BLM: variants seen among roughly 807,000 people sequenced by gnomAD.
The protein encoded by BLM is recQ-like DNA helicase BLM.
Under a neutral mutation model 135.3 loss-of-function variants are expected in BLM, and 95 were observed. The observed-to-expected ratio is 0.70, with a 90% CI of 0.59 to 0.83. The LOEUF (loss-of-function observed/expected upper bound fraction) is 0.83. Ranked by LOEUF, BLM falls within the 40% of genes least tolerant of loss-of-function variation. BLM has a pLI of 0.00. For missense variants in BLM, 1,518 were observed against 1,663.9 expected (o/e 0.91, Z 1.53); for synonymous variants, 520 against 589.2 (o/e 0.88, Z 1.70).
In BLM at chr15:90,754,892, A is replaced by G; in HGVS notation, c.1041A>G (p.Lys347=). ...AAGATCTTTTGTCAAAACCTGAGAA[A>G]ATGAGTATGCAGGAGCTGAATCCAG... is the stretch of plus-strand genomic sequence containing the variant. ...TSKDLLSKPE[K]MSMQELNPET... The change falls in exon 5 of 22, where the codon AAA becomes AAG. Residue 347 remains lysine (K), a synonymous_variant. Transcript: ENST00000355112. The G allele has an allele frequency of 6.2e-7, 1 of 1,613,984 alleles. No homozygotes were observed.
chr15:90,779,334 A>T (rs1197422613), intron 12 of BLM, among the ~76,000 whole-genome samples: 1 of 152,172 alleles, frequency 6.6e-6, no homozygotes, highest in African/African-American at 2.4e-5. Context: ...AGATTTTTTT[A>T]AATTAATAAA....
intron 20 of BLM, among the ~76,000 whole-genome samples, chr15:90,810,155 C>A (rs987774043): frequency 6.7e-6 from 1 of 149,288 alleles, no homozygotes; most frequent in African/African-American, 2.5e-5. Flanking sequence ...CAGATTCAAG[C>A]AATTATCCCA....
At chr15:90,775,663 C>T (rs8034264) in intron 12 of BLM, among the ~76,000 whole-genome samples, 5,880 of 151,752 alleles carry the variant, frequency 0.039, 295 homozygotes, top group African/African-American at 0.12. Flanking sequence ...AGGCACTTGC[C>T]GCCATGCCCG....
intron 13 of BLM, among the ~76,000 whole-genome samples, chr15:90,783,861 G>A (rs1387505436): frequency 1.3e-5 from 2 of 152,042 alleles, no homozygotes; most frequent in Non-Finnish European, 2.9e-5. Context: ...ACTGCACTCC[G>A]GCCTGGGCGA....
intron 1 of BLM, among the ~76,000 whole-genome samples, chr15:90,736,278 T>G (rs1016227493): frequency 2.0e-5 from 3 of 152,174 alleles, no homozygotes; most frequent in African/African-American, 7.2e-5. Context: ...CTTTCCTTTT[T>G]TTTTGAGACA....
At chr15:90,797,331 G>A (rs955449796) in intron 16 of BLM, among the ~76,000 whole-genome samples, 7 of 147,890 alleles carry the variant, frequency 4.7e-5, no homozygotes, top group South Asian at 2.1e-4. Context: ...CAGGAGAATC[G>A]CTTGAACCTG....
At chr15:90,813,279 G>T (rs1425796712) in intron 21 of BLM, among the ~76,000 whole-genome samples, 3 of 152,208 alleles carry the variant, frequency 2.0e-5, no homozygotes, top group Non-Finnish European at 4.4e-5. Context: ...TTGTTTGTAA[G>T]AGTGAAGCAC....
intron 16 of BLM, among the ~76,000 whole-genome samples, chr15:90,794,848 G>A (rs899927541): frequency 1.1e-4 from 16 of 150,870 alleles, no homozygotes; most frequent in South Asian, 2.1e-4. Context: ...CTAGTGTACC[G>A]TATGTTTGAA....
chr15:90,783,725 C>T (rs1596251024), intron 13 of BLM, among the ~76,000 whole-genome samples: 2 of 152,024 alleles, frequency 1.3e-5, no homozygotes, highest in Admixed American at 6.6e-5. Context: ...AACGGTGAAA[C>T]CCCATCTCTA....
intron 17 of BLM, among the ~76,000 whole-genome samples, chr15:90,802,269 C>G (rs1478315118): frequency 6.6e-6 from 1 of 152,190 alleles, no homozygotes; most frequent in Non-Finnish European, 1.5e-5. Flanking sequence ...ATTTGGAACT[C>G]TTTAAAACAG....
chr15:90,721,412 C>T (rs765941620), intron 1 of BLM, among the ~76,000 whole-genome samples: 10 of 152,022 alleles, frequency 6.6e-5, no homozygotes, highest in Non-Finnish European at 1.2e-4. Context: ...CTGTAACCTC[C>T]GTCTCCCGAG....
At chr15:90,726,442 A>C (rs1798012663) in intron 1 of BLM, among the ~76,000 whole-genome samples, 1 of 152,052 alleles carries the variant, frequency 6.6e-6, no homozygotes, top group African/African-American at 2.4e-5. Flanking sequence ...CTAATTTTGC[A>C]TTTTTAGTAG....
At chr15:90,757,072 C>T (rs542643475) in intron 5 of BLM, among the ~76,000 whole-genome samples, 24 of 152,220 alleles carry the variant, frequency 1.6e-4, no homozygotes, top group African/African-American at 5.3e-4. Flanking sequence ...TACATTAAGA[C>T]GGATGGTTTG....
intron 12 of BLM, among the ~76,000 whole-genome samples, chr15:90,773,983 C>G (rs943471347): frequency 6.7e-6 from 1 of 149,168 alleles, no homozygotes; most frequent in African/African-American, 2.5e-5. Flanking sequence ...TTTTATTTCT[C>G]TTGGGTTGCT....
chr15:90,790,245 G>A (rs2380163), intron 14 of BLM: 22,113 of 287,000 alleles, frequency 0.077, 1,756 homozygotes, highest in African/African-American at 0.25. Context: ...ACACCCTGGA[G>A]CTCCTGAGCA....
chr15:90,786,742 G>A (rs1317220723), intron 14 of BLM, among the ~76,000 whole-genome samples: 1 of 151,962 alleles, frequency 6.6e-6, no homozygotes, highest in East Asian at 1.9e-4. Context: ...AGCCTCCCAA[G>A]TAGCCGGGAC....
rs769540432 is a variant in BLM at position 90,784,327 on chromosome 15, C to CTTTTTTTTTT, written c.2663-579_2663-570dup. Among the ~76,000 whole-genome samples, 6 of 70,002 alleles carry CTTTTTTTTTT rather than the reference C, an allele frequency of 8.6e-5. 1 individual carries two copies. The highest frequency in any genetic ancestry group is 4.1e-4 in the African/African-American group (6 of 14,692). 45.9% of individuals were successfully genotyped at this position (70,002 alleles called of 152,430 possible). ...CAAAGTTTGTGCAAGAATGGCTTTTCTTTTTTTTTTTTTTTTTTTTTTTTG... is the reference window on the plus strand; with the variant it reads ...CAAAGTTTGTGCAAGAATGGCTTTTCTTTTTTTTTTTTTTTTTTTTTTTTTTTTTTTTTTG... On this transcript the variant is annotated intron_variant, in intron 13 of 21. Transcript: ENST00000355112.
intron 17 of BLM, among the ~76,000 whole-genome samples, chr15:90,801,006 G>A (rs138812663): frequency 7.2e-5 from 11 of 152,090 alleles, no homozygotes; most frequent in East Asian, 5.8e-4. Context: ...AAAATTAGCC[G>A]GGACTGATGT....
chr15:90,784,095 A>T (rs1896681689), intron 13 of BLM, among the ~76,000 whole-genome samples: 2 of 152,062 alleles, frequency 1.3e-5, no homozygotes, highest in Non-Finnish European at 2.9e-5. Flanking sequence ...AACTTAGAAA[A>T]CACTTTTGAT....
Sources: gnomAD v4.1 joint callset for allele counts (sites outside exome capture counted in the v4.1 genomes callset) on GRCh38, gnomAD v4.1.1 for gene constraint, MANE v1.5 for transcripts, NCBI Gene and HGNC (gene_info 2026-07-23, HGNC 2026-07-21) for gene names.